The following TMEM266 variants were observed in gnomAD, a reference collection of about 807,000 sequenced individuals.
TMEM266 encodes Hv1 related protein 1.
A neutral mutation model predicts 50.5 loss-of-function variants in TMEM266; 33 were observed. The observed-to-expected ratio is 0.65, with a 90% CI of 0.50 to 0.87. TMEM266 has a LOEUF of 0.87. Ranked by LOEUF, TMEM266 falls within the 40% of genes least tolerant of loss-of-function variation. TMEM266 has a pLI of 0.00. For synonymous variants in TMEM266, 310 were observed against 292.3 expected, an observed-to-expected ratio of 1.06 and a Z score of -0.62; for missense variants, 655 against 695.1, an observed-to-expected ratio of 0.94 and a Z score of 0.65.
Position 76,160,765 on chromosome 15 carries a change from C to T in TMEM266, c.456+597C>T, listed in dbSNP as rs1345541875. ...TGGGGGCTCAGGGAGCACGGATCGCCGTCAGCGTTGCTGGAGTCGGCTAGT... is the reference window on the plus strand; with the variant it reads ...TGGGGGCTCAGGGAGCACGGATCGCTGTCAGCGTTGCTGGAGTCGGCTAGT... On this transcript the variant is annotated intron_variant, in intron 5 of 10. Coordinates refer to ENST00000388942, the MANE Select transcript of TMEM266 (RefSeq NM_152335.3). The surrounding 1 kb of genome is among the most constrained non-coding windows in gnomAD (Gnocchi z 5.7). Among the ~76,000 whole-genome samples the T allele has an allele frequency of 2.0e-5, 3 of 152,112 alleles. No homozygotes were observed. Among genetic ancestry groups the T allele is most frequent in the Admixed American group, 6.5e-5 (1 of 15,278 alleles).
intron 1 of TMEM266, among the ~76,000 whole-genome samples, chr15:76,063,100 C>T (rs955841192): frequency 3.9e-5 from 6 of 152,086 alleles, no homozygotes; most frequent in South Asian, 2.1e-4. Context: ...ATTCAGTTGT[C>T]GACAGTCTTG....
chr15:76,116,904 T>A lies in TMEM266; in HGVS notation c.-96-17264T>A, dbSNP rs562325353. On this transcript the variant is annotated intron_variant, in intron 1 of 10. Coordinates refer to ENST00000388942, the MANE Select transcript of TMEM266 (RefSeq NM_152335.3). ...ACAGTAAAGCATATCTTCTTTTTTT[T>A]TTTTTTTTTTTTGAGACGGAGTTTC... is the stretch of plus-strand genomic sequence containing the variant. 2.5e-4 allele frequency among the ~76,000 whole-genome samples: 38 copies of A among 150,654 alleles called. No individual in the cohort carries two copies. The East Asian group carries it at 3.9e-3, about 15-fold the overall frequency.
chr15:76,192,347 C>CT (rs368525332), intron 9 of TMEM266, among the ~76,000 whole-genome samples, 190 bp downstream of exon 9: 3 of 149,350 alleles, frequency 2.0e-5, no homozygotes, highest in African/African-American at 5.1e-5. Context: ...CAGGAGAGAG[C>CT]ATGTAGTCCA....
intron 1 of TMEM266, among the ~76,000 whole-genome samples, chr15:76,096,585 G>A (rs2036923750): frequency 6.6e-6 from 1 of 152,050 alleles, no homozygotes; most frequent in African/African-American, 2.4e-5. Context: ...ATATTCTGTT[G>A]ATTTGGGGTA....
intron 1 of TMEM266, among the ~76,000 whole-genome samples, chr15:76,083,415 G>A (rs147363278): frequency 4.4e-4 from 67 of 152,064 alleles, no homozygotes; most frequent in African/African-American, 1.6e-3. Context: ...CCTGACACTC[G>A]TCCCTCAGGT....
At chr15:76,152,892 C>T (rs545167102) in intron 3 of TMEM266, among the ~76,000 whole-genome samples, 12 of 152,318 alleles carry the variant, frequency 7.9e-5, no homozygotes, top group South Asian at 2.1e-4. Flanking sequence ...CTCTTGATCA[C>T]GCTGCCTACC....
intron 3 of TMEM266, among the ~76,000 whole-genome samples, chr15:76,151,666 T>C (rs2037845273): frequency 2.0e-5 from 3 of 152,204 alleles, no homozygotes; most frequent in East Asian, 1.9e-4. Flanking sequence ...TCTCTCCTAC[T>C]CCCAAACTCC....
At chr15:76,111,462 T>C (rs1334066400) in intron 1 of TMEM266, among the ~76,000 whole-genome samples, 1 of 151,886 alleles carries the variant, frequency 6.6e-6, no homozygotes, top group African/African-American at 2.4e-5. Flanking sequence ...TAGTAAACAC[T>C]ATTCTAAGCC....
intron 1 of TMEM266, among the ~76,000 whole-genome samples, chr15:76,083,756 G>A (rs1004281439): frequency 6.6e-6 from 1 of 152,144 alleles, no homozygotes; most frequent in African/African-American, 2.4e-5. Context: ...AGCAGGGGCT[G>A]TGACTGTTTT....
rs1037960334 is a variant in TMEM266, at chr15:76,139,517, C to G, written c.227+1622C>G. Among the ~76,000 whole-genome samples the G allele has an allele frequency of 2.0e-5, 3 of 152,170 alleles. No homozygotes were observed. The highest frequency in any genetic ancestry group is 4.4e-5 in the Non-Finnish European group (3 of 68,034). ...TGACCTGTGCGGTAGCGCAGAGCCC[C>G]GTACTTAGAAGGGTCCCAACACTTG... On this transcript the variant is annotated intron_variant, in intron 3 of 10. Transcript: ENST00000388942. The surrounding 1 kb of genome is among the most constrained non-coding windows in gnomAD (Gnocchi z 4.1).
At chr15:76,099,836 C>T (rs2036975249) in intron 1 of TMEM266, among the ~76,000 whole-genome samples, 1 of 152,130 alleles carries the variant, frequency 6.6e-6, no homozygotes, top group South Asian at 2.1e-4. Flanking sequence ...CACAGTTCTG[C>T]AGGCTTAAGG....
At chr15:76,060,184 G>A (rs76720715) in intron 1 of TMEM266, among the ~76,000 whole-genome samples, 168 bp downstream of exon 1, 1,705 of 152,096 alleles carry the variant, frequency 0.011, 39 homozygotes, top group African/African-American at 0.039. Context: ...GGAGCCAGGC[G>A]AGGGTGCGTG....
Position 76,061,355 on chromosome 15 carries a change from T to C in TMEM266, c.-97+1339T>C, listed in dbSNP as rs183814341. Among the ~76,000 whole-genome samples, 528 of 152,332 alleles carry C rather than the reference T, an allele frequency of 3.5e-3. 2 individuals carry two copies. Among genetic ancestry groups the C allele is most frequent in the African/African-American group, 0.012 (509 of 41,576 alleles). The stretch of plus-strand genomic sequence containing the variant: ...TCACAGCAAACCTGCTATGTCCATG[T>C]TGAAGATGAACAAGCCAGGACTTAG... On this transcript the variant is annotated intron_variant, in intron 1 of 10. Coordinates refer to ENST00000388942, the MANE Select transcript of TMEM266 (RefSeq NM_152335.3).
chr15:76,080,620 T>C (rs1036213215), intron 1 of TMEM266, among the ~76,000 whole-genome samples: 5 of 152,044 alleles, frequency 3.3e-5, no homozygotes, highest in African/African-American at 1.2e-4. Context: ...ATTAGGATTA[T>C]TTCAGGAGTA....
At chr15:76,180,292 C>T (rs979342230) in intron 8 of TMEM266, among the ~76,000 whole-genome samples, 1 of 152,074 alleles carries the variant, frequency 6.6e-6, no homozygotes, top group Non-Finnish European at 1.5e-5. Context: ...TAGGCTTAGG[C>T]TCCTCCTGGC....
At chr15:76,104,695 TGAG>T (rs1022571148) in intron 1 of TMEM266, among the ~76,000 whole-genome samples, 3 of 151,864 alleles carry the variant, frequency 2.0e-5, no homozygotes, top group Admixed American at 6.6e-5. Flanking sequence ...CCCAGGGAAA[TGAG>T]GAGGTCATCA....
intron 2 of TMEM266, among the ~76,000 whole-genome samples, chr15:76,135,196 A>G (rs2037569585): frequency 6.6e-6 from 1 of 152,248 alleles, no homozygotes; most frequent in Non-Finnish European, 1.5e-5. Context: ...TATATGCCAA[A>G]GGGCATAGGC....
At position 76,204,421 on chromosome 15, in the gene TMEM266, G is replaced by C. The variant is rs1048439373; in HGVS notation, c.*106G>C. 4.4e-6 allele frequency: 5 copies of C among 1,143,138 alleles called. No individual in the cohort carries two copies. The highest frequency in any genetic ancestry group is 6.1e-6 in the Non-Finnish European group (5 of 813,030). The allele number at this position is 1,143,138 out of a possible 1,614,324, so 70.8% of individuals were successfully genotyped here. ...CACGCGGGGCCCAGGAGCCCACCTG[G>C]CCTCCCTCAGGGTGCTGCCTGCCTC... On this transcript the variant is annotated 3_prime_UTR_variant, in exon 11 of 11. Transcript: ENST00000388942.
At chr15:76,198,149 G>C (rs1487808766) in intron 9 of TMEM266, among the ~76,000 whole-genome samples, 1 of 152,170 alleles carries the variant, frequency 6.6e-6, no homozygotes, top group Non-Finnish European at 1.5e-5. Context: ...GTAGGCATTT[G>C]CTATCCCCAT....
Sources: gnomAD v4.1 joint callset for allele counts (sites outside exome capture counted in the v4.1 genomes callset) on GRCh38, gnomAD v4.1.1 for gene constraint, Gnocchi (gnomAD v3.1) non-coding constraint, MANE v1.5 for transcripts, NCBI Gene and HGNC (gene_info 2026-07-23, HGNC 2026-07-21) for gene names.